The following GLO1 variants were observed in gnomAD, a reference collection of about 807,000 sequenced individuals.
GLO1 encodes lactoylglutathione lyase.
Under a neutral mutation model 26.0 loss-of-function variants are expected in GLO1, and 28 were observed. That is an observed-to-expected ratio of 1.08 (90% CI 0.80 to 1.48). The LOEUF (loss-of-function observed/expected upper bound fraction) is 1.48. Among genes scored for constraint, GLO1 ranks in the 40% most tolerant of loss-of-function variants. The pLI, the probability that GLO1 is intolerant of heterozygous loss-of-function variation, is 0.00. For missense variants in GLO1, 225 were observed against 224.8 expected (o/e 1.00, Z -0.01); for synonymous variants, 78 against 77.6 (o/e 1.00, Z -0.03).
chr6:38,683,528 A>T (rs1429228186), intron 3 of GLO1, among the ~76,000 whole-genome samples: 2 of 152,246 alleles, frequency 1.3e-5, no homozygotes, highest in Non-Finnish European at 2.9e-5. Context: ...TATAGTACCT[A>T]AAAATTAGTT....
chr6:38,693,685 C>CTCTCTCTCTA (rs869232489), intron 1 of GLO1, among the ~76,000 whole-genome samples: 42 of 86,440 alleles, frequency 4.9e-4, no homozygotes, highest in African/African-American at 1.5e-3. Context: ...CTCTCTCTCT[C>CTCTCTCTCTA]TATATATATA....
intron 1 of GLO1, among the ~76,000 whole-genome samples, chr6:38,687,617 A>G (rs1189980781): frequency 6.6e-6 from 1 of 152,242 alleles, no homozygotes; most frequent in Non-Finnish European, 1.5e-5. Context: ...AATTCAACTT[A>G]CTTATCAGGA....
At chr6:38,678,886 T>C (rs181831644) in intron 5 of GLO1, among the ~76,000 whole-genome samples, 1 of 152,294 alleles carries the variant, frequency 6.6e-6, no homozygotes, top group Non-Finnish European at 1.5e-5. Flanking sequence ...CCTAGGAATC[T>C]CTGGCCTAGG....
chr6:38,680,174 A>G (rs779291165), intron 5 of GLO1, among the ~76,000 whole-genome samples: 1 of 152,236 alleles, frequency 6.6e-6, no homozygotes, highest in Non-Finnish European at 1.5e-5. Context: ...ACTGTCCTTC[A>G]GACATAAAGG....
At position 38,676,267 on chromosome 6, in the gene GLO1, A is replaced by T. The variant is rs537338882; in HGVS notation, c.*1028T>A. The T allele has an allele frequency of 2.0e-5, 3 of 152,294 alleles. No homozygotes were observed. The East Asian group carries it at 5.8e-4, about 29-fold the overall frequency. The allele number at this position is 152,294 out of a possible 1,614,324, so 9.4% of individuals were successfully genotyped here. A position where few individuals can be genotyped will look rare whatever the true frequency, so the allele number is the denominator to read the frequency against. On this transcript the variant is annotated 3_prime_UTR_variant, in exon 6 of 6. Transcript: ENST00000373365. ...AAGTTATCACTGAACATAATTTATCATATATGGCTACTGGCATCATGAAGA... is the reference window on the plus strand; with the variant it reads ...AAGTTATCACTGAACATAATTTATCTTATATGGCTACTGGCATCATGAAGA...
chr6:38,695,508 A>G (rs1221536668), intron 1 of GLO1, among the ~76,000 whole-genome samples: 1 of 152,096 alleles, frequency 6.6e-6, no homozygotes, highest in East Asian at 1.9e-4. Flanking sequence ...ATTATCTTAA[A>G]TATTTCCACT....
chr6:38,695,462 C>T (rs1475136487), intron 1 of GLO1, among the ~76,000 whole-genome samples: 1 of 152,128 alleles, frequency 6.6e-6, no homozygotes, highest in Non-Finnish European at 1.5e-5. Context: ...AGAAACCTCA[C>T]CTCTCTTTAC....
intron 3 of GLO1, among the ~76,000 whole-genome samples, chr6:38,683,562 A>G (rs1489312205): frequency 6.6e-6 from 1 of 152,236 alleles, no homozygotes; most frequent in Non-Finnish European, 1.5e-5. Context: ...CAAATATCTT[A>G]CAATTTCAGG....
chr6:38,700,435 A>G (rs751535131), intron 1 of GLO1, among the ~76,000 whole-genome samples: 3 of 152,212 alleles, frequency 2.0e-5, no homozygotes, highest in Non-Finnish European at 4.4e-5. Context: ...GCTCTCTGAG[A>G]TATCTTTATG....
At position 38,694,567 on chromosome 6, in the gene GLO1, T is replaced by A. The variant is rs550868472; in HGVS notation, c.85-7593A>T. Among the ~76,000 whole-genome samples the A allele has an allele frequency of 1.5e-4, 23 of 152,086 alleles. 1 individual carries two copies. The highest frequency in any genetic ancestry group is 5.5e-4 in the African/African-American group (23 of 41,480). Reference sequence around the variant, plus strand: ...GGTAGTGTACACATGTAGCCCCAGCTCCTTGGGAGGCTGAGGTAGGAGGAG... The same window carrying A: ...GGTAGTGTACACATGTAGCCCCAGCACCTTGGGAGGCTGAGGTAGGAGGAG... On this transcript the variant is annotated intron_variant, in intron 1 of 5. Transcript: ENST00000373365.
intron 1 of GLO1, 58 bp downstream of exon 1, chr6:38,702,913 C>CG: frequency 1.0e-6 from 1 of 978,806 alleles, no homozygotes; most frequent in Admixed American, 2.0e-5. Flanking sequence ...GGATAGAATG[C>CG]GGCCCGGTCC....
rs1049346 is a variant in GLO1 at position 38,703,061 on chromosome 6, G to A, written c.-7C>T. ...GGGGCTGCGGTTCTGCCATGGCTGC[G>A]CTGCAGTATCACAGACGACGGGACC... is the stretch of plus-strand genomic sequence containing the variant. On this transcript the variant is annotated 5_prime_UTR_variant, in exon 1 of 6. Transcript: ENST00000373365. The A allele has an allele frequency of 0.48, 735,830 of 1,517,806 alleles. 181,471 individuals carry two copies. The highest frequency in any genetic ancestry group is 0.67 in the African/African-American group (48,433 of 71,800). 94.0% of individuals were successfully genotyped at this position (1,517,806 alleles called of 1,614,324 possible).
At chr6:38,691,919 T>C (rs1761537489) in intron 1 of GLO1, among the ~76,000 whole-genome samples, 1 of 152,220 alleles carries the variant, frequency 6.6e-6, no homozygotes, top group Admixed American at 6.5e-5. Context: ...TGGGGTTCTC[T>C]ATTTTGTTTC....
chr6:38,689,526 T>C (rs1487776681), intron 1 of GLO1, among the ~76,000 whole-genome samples: 2 of 152,242 alleles, frequency 1.3e-5, no homozygotes, highest in Non-Finnish European at 2.9e-5. Flanking sequence ...CATGTATTTT[T>C]TGTTGTAGAT....
At chr6:38,699,425 C>G (rs991898974) in intron 1 of GLO1, among the ~76,000 whole-genome samples, 1 of 151,948 alleles carries the variant, frequency 6.6e-6, no homozygotes, top group African/African-American at 2.4e-5. Flanking sequence ...CCTTGAAAAA[C>G]AACAGAAAAA....
intron 1 of GLO1, among the ~76,000 whole-genome samples, chr6:38,690,175 A>T (rs1218881105): frequency 1.3e-5 from 2 of 152,234 alleles, no homozygotes; most frequent in Non-Finnish European, 2.9e-5. Context: ...ATCCATCACA[A>T]CACTTACACA....
chr6:38,689,760 A>G (rs1431119992), intron 1 of GLO1, among the ~76,000 whole-genome samples: 1 of 152,106 alleles, frequency 6.6e-6, no homozygotes, highest in East Asian at 1.9e-4. Flanking sequence ...AGACTGATCA[A>G]CATGGTGAAA....
chr6:38,690,472 A>G (rs1761514208), intron 1 of GLO1, among the ~76,000 whole-genome samples: 1 of 152,226 alleles, frequency 6.6e-6, no homozygotes, highest in African/African-American at 2.4e-5. Context: ...GCATGGAGAT[A>G]TATACAGATG....
chr6:38,697,235 A>G (rs1761625214), intron 1 of GLO1, among the ~76,000 whole-genome samples: 1 of 152,178 alleles, frequency 6.6e-6, no homozygotes, highest in Non-Finnish European at 1.5e-5. Context: ...TTAAGGCTCA[A>G]CTAAACATCC....
Sources: gnomAD v4.1 joint callset for allele counts (sites outside exome capture counted in the v4.1 genomes callset) on GRCh38, gnomAD v4.1.1 for gene constraint, MANE v1.5 for transcripts, NCBI Gene and HGNC (gene_info 2026-07-23, HGNC 2026-07-21) for gene names.